Variants in TUSC3 observed in about 807,000 individuals in gnomAD.
The protein encoded by TUSC3 is tumor suppressor candidate 3.
TUSC3 carries 45 observed loss-of-function variants against 44.8 expected under a neutral mutation model. The ratio of observed to expected loss-of-function variants is 1.00; its 90% confidence interval spans 0.79 to 1.29. The LOEUF is 1.29. Ranked by LOEUF, TUSC3 falls within the 50% of genes most tolerant of loss-of-function variation. The pLI is 0.00. For synonymous variants in TUSC3, 212 were observed against 152.9 expected (o/e 1.39, Z -2.85); for missense variants, 519 against 437.9 (o/e 1.19, Z -1.65).
chr8:15,848,363 C>T, the TUSC3 span, among the ~76,000 whole-genome samples: 1 of 152,214 alleles, frequency 6.6e-6, no homozygotes, highest in African/African-American at 2.4e-5. Context: ...CTGGTTGGAA[C>T]AGGCTCTGTT....
chr8:15,449,516 C>A (rs1447624210), intron 1 of TUSC3, among the ~76,000 whole-genome samples: 1 of 152,114 alleles, frequency 6.6e-6, no homozygotes, highest in East Asian at 1.9e-4. Context: ...GGAGGGGCAG[C>A]TTCAGGCAGT....
chr8:15,846,603 A>G, the TUSC3 span, among the ~76,000 whole-genome samples: 2 of 152,162 alleles, frequency 1.3e-5, no homozygotes, highest in East Asian at 3.9e-4. Flanking sequence ...AAACTAACAT[A>G]AGAACAGAAA....
chr8:15,421,543 T>C (rs1004570093), intron 1 of TUSC3, among the ~76,000 whole-genome samples: 1 of 152,210 alleles, frequency 6.6e-6, no homozygotes, highest in Admixed American at 6.5e-5. Context: ...TTATCACTTA[T>C]TGCCATCTGA....
At chr8:15,506,084 A>T (rs1801047011) in intron 2 of TUSC3, among the ~76,000 whole-genome samples, 1 of 152,194 alleles carries the variant, frequency 6.6e-6, no homozygotes, top group Non-Finnish European at 1.5e-5. Context: ...ACCTGCCTTG[A>T]CGGGAGACTA....
At chr8:15,772,707 C>G in the TUSC3 span, among the ~76,000 whole-genome samples, 1 of 152,172 alleles carries the variant, frequency 6.6e-6, no homozygotes. Flanking sequence ...AAAATTATCT[C>G]CTATGTAATT....
chr8:15,481,643 A>G (rs184002228), intron 1 of TUSC3, among the ~76,000 whole-genome samples: 14 of 152,334 alleles, frequency 9.2e-5, no homozygotes, highest in Admixed American at 4.6e-4. Context: ...GTGCATAAAA[A>G]AGTTAAGTTA....
intron 7 of TUSC3, among the ~76,000 whole-genome samples, chr8:15,732,003 G>A (rs913589145): frequency 1.3e-5 from 2 of 152,170 alleles, no homozygotes; most frequent in African/African-American, 4.8e-5. Context: ...TTCCTCGTTT[G>A]TAAAATCAGG....
the TUSC3 span, among the ~76,000 whole-genome samples, chr8:15,821,595 T>TA: frequency 6.6e-6 from 1 of 151,846 alleles, no homozygotes; most frequent in South Asian, 2.1e-4. Flanking sequence ...TTTTTTTTTT[T>TA]AGGAGTTTTA....
chr8:15,842,356 T>C, the TUSC3 span, among the ~76,000 whole-genome samples: 1 of 152,204 alleles, frequency 6.6e-6, no homozygotes, highest in Non-Finnish European at 1.5e-5. Flanking sequence ...TTACCTCATA[T>C]GCTCACACTG....
At chr8:15,732,757 C>G (rs1416882364) in intron 7 of TUSC3, among the ~76,000 whole-genome samples, 2 of 152,104 alleles carry the variant, frequency 1.3e-5, no homozygotes, top group Non-Finnish European at 2.9e-5. Flanking sequence ...AACAAGATTA[C>G]AAATCGCGTT....
intron 1 of TUSC3, among the ~76,000 whole-genome samples, chr8:15,427,025 T>G (rs1217626434): frequency 6.6e-6 from 1 of 152,138 alleles, no homozygotes; most frequent in South Asian, 2.1e-4. Context: ...ATTGAAGAAA[T>G]GTTTAAGTCT....
At chr8:15,636,314 G>C (rs1806073170) in intron 2 of TUSC3, among the ~76,000 whole-genome samples, 1 of 152,132 alleles carries the variant, frequency 6.6e-6, no homozygotes, top group Non-Finnish European at 1.5e-5. Flanking sequence ...CAGAGTTAGG[G>C]ATAAAGTTTG....
At chr8:15,429,199 T>A (rs982274675) in intron 1 of TUSC3, among the ~76,000 whole-genome samples, 1 of 152,194 alleles carries the variant, frequency 6.6e-6, no homozygotes, top group African/African-American at 2.4e-5. Context: ...GCTAGCCAGT[T>A]TTCCCAGCAC....
intron 9 of TUSC3, among the ~76,000 whole-genome samples, chr8:15,751,347 G>A (rs1811693785): frequency 6.6e-6 from 1 of 152,106 alleles, no homozygotes; most frequent in African/African-American, 2.4e-5. Context: ...TGCTTCAGAG[G>A]TAACTCAAAT....
intron 8 of TUSC3, among the ~76,000 whole-genome samples, chr8:15,747,294 C>T (rs1393403757): frequency 6.6e-6 from 1 of 151,842 alleles, no homozygotes; most frequent in African/African-American, 2.4e-5. Context: ...TTTAATCTTT[C>T]TCTATTTTAC....
chr8:15,650,550 TA>T (rs201937939), intron 2 of TUSC3, 146 bp from the exon 3 acceptor site: 570 of 635,902 alleles, frequency 9.0e-4, no homozygotes, highest in East Asian at 1.4e-3. Context: ...ATCCTTTTTT[TA>T]AAAAAAAATA....
At chr8:15,830,146 GTT>G in the TUSC3 span, among the ~76,000 whole-genome samples, 3 of 149,020 alleles carry the variant, frequency 2.0e-5, 1 homozygote, top group South Asian at 6.4e-4. Context: ...AGGTTGTTAG[GTT>G]TTTTTTTTCC....
chr8:15,827,607 T>C, the TUSC3 span, among the ~76,000 whole-genome samples: 1 of 152,194 alleles, frequency 6.6e-6, no homozygotes, highest in Non-Finnish European at 1.5e-5. Flanking sequence ...TTCTAAGGAC[T>C]CATGATTTTA....
chr8:15,760,907 C>A lies in TUSC3; in HGVS notation c.*46+3052C>A, dbSNP rs183455812. On this transcript the variant is annotated intron_variant, in intron 10 of 10. Coordinates refer to ENST00000503731, the MANE Select transcript of TUSC3 (RefSeq NM_006765.4). ...GCTGTCCCTGCATCTTACTTGTTCTCAGAGTTTTGCTTTTTCAGTTCTTGT... is the reference window on the plus strand; with the variant it reads ...GCTGTCCCTGCATCTTACTTGTTCTAAGAGTTTTGCTTTTTCAGTTCTTGT... 2.6e-5 allele frequency among the ~76,000 whole-genome samples: 4 copies of A among 152,276 alleles called. No homozygotes were observed. The East Asian group carries it at 7.7e-4, about 29-fold the overall frequency.
Sources: allele counts gnomAD v4.1 joint callset (sites outside exome capture counted in the v4.1 genomes callset), GRCh38; gene constraint gnomAD v4.1.1; transcripts MANE v1.5; gene names NCBI Gene and HGNC (gene_info 2026-07-23, HGNC 2026-07-21).